Variants in ODAM observed in about 807,000 individuals in gnomAD.
ODAM encodes the protein odontogenic ameloblast-associated protein.
ODAM carries 55 observed loss-of-function variants against 48.5 expected under a neutral mutation model. The ratio of observed to expected loss-of-function variants is 1.13; its 90% CI spans 0.91 to 1.42. ODAM has a LOEUF of 1.42. ODAM is among the 40% of genes most tolerant of loss of function. The pLI is 0.00. For synonymous variants in ODAM, 127 were observed against 107.8 expected (o/e 1.18, Z -1.10); for missense variants, 353 against 323.6 (o/e 1.09, Z -0.70).
At chr4:70,201,961 A>G (rs1275368171) in intron 8 of ODAM, among the ~76,000 whole-genome samples, 2 of 151,802 alleles carry the variant, frequency 1.3e-5, no homozygotes, top group African/African-American at 2.4e-5. Context: ...CAAAATTTTG[A>G]AATTGTCTTG....
In ODAM at chr4:70,198,036, G is replaced by A. The variant is rs376525673; in HGVS notation, c.254G>A (p.Gly85Glu). 9.3e-6 allele frequency: 15 copies of A among 1,613,160 alleles called. No homozygotes were observed. The African/African-American group carries it at 1.9e-4, about 20-fold the overall frequency. The change falls in exon 5 of 12, where the codon GGA becomes GAA. Residue 85 changes from glycine to glutamate, a missense_variant. Transcript: ENST00000683306. ...FSLSALDQFA[G>E]LLPNQIPLTG... ...TTATCAGCTCTAGACCAGTTTGCTG[G>A]ACTGCTCCCAAATCAGATACCCTTA...
chr4:70,202,942 A>T, intron 10 of ODAM, 25 bp downstream of exon 10: 2 of 1,582,264 alleles, frequency 1.3e-6, no homozygotes, highest in Non-Finnish European at 1.7e-6. Flanking sequence ...ACTTCACTTT[A>T]TGCAAAAAAA....
At chr4:70,197,862 C>G (rs1361879983) in intron 4 of ODAM, 62 bp from the exon 5 acceptor site, 5 of 1,384,964 alleles carry the variant, frequency 3.6e-6, no homozygotes, top group Non-Finnish European at 5.1e-6. Flanking sequence ...TTGCTCAGGA[C>G]TAATTTTTAA....
At chr4:70,201,615 A>G (rs1408286399) in intron 8 of ODAM, 114 bp downstream of exon 8, 31 of 661,462 alleles carry the variant, frequency 4.7e-5, no homozygotes, top group Non-Finnish European at 5.7e-5. Flanking sequence ...CTCTAATTGA[A>G]CAAAATTGTA....
chr4:70,201,182 C>T (rs1729485666), intron 7 of ODAM, among the ~76,000 whole-genome samples: 1 of 151,568 alleles, frequency 6.6e-6, no homozygotes, highest in African/African-American at 2.4e-5. Context: ...TTAGAGAAAA[C>T]TCAGAATTAT....
chr4:70,198,185 T>TATA, intron 5 of ODAM, 28 bp downstream of exon 5: 1 of 1,573,210 alleles, frequency 6.4e-7, no homozygotes, highest in Non-Finnish European at 8.7e-7. Flanking sequence ...CATTTTGTTC[T>TATA]GAGGAGAGAG....
intron 7 of ODAM, 101 bp from the exon 8 acceptor site, chr4:70,201,353 A>AAAAATG: frequency 1.7e-6 from 1 of 592,104 alleles, no homozygotes; most frequent in South Asian, 2.3e-5. Flanking sequence ...AATGCTTTTA[A>AAAAATG]CTTATATAAA....
intron 6 of ODAM, chr4:70,200,021 C>T (rs1426424446): frequency 1.5e-5 from 6 of 390,452 alleles, no homozygotes; most frequent in Admixed American, 3.5e-5. Flanking sequence ...TACCAAATAT[C>T]CTAAAATATA....
In ODAM at chr4:70,195,829, A is replaced by G. The variant is rs948018981; in HGVS notation, c.-16+36A>G. 1.5e-5 allele frequency: 13 copies of G among 891,270 alleles called. No individual in the cohort carries two copies. The African/African-American group carries it at 2.3e-4, about 16-fold the overall frequency. The allele number at this position is 891,270 out of a possible 1,614,324, so 55.2% of individuals were successfully genotyped here. A position where few individuals can be genotyped will look rare whatever the true frequency, so the allele number is the denominator to read the frequency against. ...AAATCTTTGCTTTTATAGTTTGAAG[A>G]ACCAAAATCAGTGAAATCTGCAGGA... On this transcript the variant is annotated intron_variant, in intron 1 of 11. Coordinates refer to ENST00000683306, the MANE Select transcript of ODAM (RefSeq NM_017855.4).
chr4:70,200,524 G>A lies in ODAM; in HGVS notation c.451G>A (p.Val151Ile), dbSNP rs541356740. The A allele has an allele frequency of 6.2e-6, 10 of 1,609,690 alleles. No individual in the cohort carries two copies. The Admixed American group carries it at 1.0e-4, about 16-fold the overall frequency. The change falls in exon 7 of 12, where the codon GTC becomes ATC. Residue 151 changes from valine to isoleucine, a missense_variant. By Grantham distance (29) the Val-to-Ile change is conservative (BLOSUM62 3). Transcript: ENST00000683306. ...QMFQYYPVYM[V>I]LPWEQPQQTV... ...GTTTCAATACTATCCAGTTTACATG[G>A]TCCTACCCTGGGAACAACCTCAGCA...
chr4:70,196,436 C>T, intron 1 of ODAM, 93 bp from the exon 2 acceptor site: 1 of 624,344 alleles, frequency 1.6e-6, no homozygotes, highest in Admixed American at 3.3e-5. Context: ...TAGAATTCAC[C>T]CAGCTATTCC....
rs758036498 is a variant in ODAM, at chr4:70,198,097, A to T, written c.315A>T (p.Ala105=). The change falls in exon 5 of 12, where the codon GCA becomes GCT. Residue 105 remains alanine (A), a synonymous_variant. Transcript: ENST00000683306. The part of the protein sequence containing the change: ...GEASFAQGAQ[A]GQVDPLQLQT... ...CCAGTTTTGCCCAAGGAGCCCAGGC[A>T]GGCCAAGTTGATCCCTTACAGCTTC... The T allele has an allele frequency of 6.2e-7, 1 of 1,613,310 alleles. No individual in the cohort carries two copies. The highest frequency in any genetic ancestry group is 8.5e-7 in the Non-Finnish European group (1 of 1,179,534).
rs1430258637 is a variant in ODAM, at chr4:70,198,168, C to G, written c.375+11C>G. ...CCAGGCCCCAGTCACGTAAGTCAGGCCTCTTTCATTTTGTTCTGAGGAGAG... is the reference window on the plus strand; with the variant it reads ...CCAGGCCCCAGTCACGTAAGTCAGGGCTCTTTCATTTTGTTCTGAGGAGAG... On this transcript the variant is annotated intron_variant, in intron 5 of 11. Coordinates refer to ENST00000683306, the MANE Select transcript of ODAM (RefSeq NM_017855.4). The G allele has an allele frequency of 6.2e-7, 1 of 1,606,170 alleles. No individual in the cohort carries two copies. Among genetic ancestry groups the G allele is most frequent in the Admixed American group, 1.7e-5 (1 of 59,218 alleles).
chr4:70,202,087 C>T (rs1168781904), intron 8 of ODAM, among the ~76,000 whole-genome samples, 171 bp from the exon 9 acceptor site: 3 of 151,850 alleles, frequency 2.0e-5, no homozygotes, highest in East Asian at 1.9e-4. Flanking sequence ...GAAGCAGAGG[C>T]GAGATGTCAA....
intron 9 of ODAM, 30 bp from the exon 10 acceptor site, chr4:70,202,726 C>A: frequency 1.3e-6 from 2 of 1,574,978 alleles, no homozygotes; most frequent in Non-Finnish European, 1.7e-6. Flanking sequence ...GAACTTACGA[C>A]AACTTTGTTT....
Position 70,195,809 on chromosome 4 carries a change from T to C in ODAM, c.-16+16T>C, listed in dbSNP as rs920696950. On this transcript the variant is annotated intron_variant, in intron 1 of 11. Coordinates refer to ENST00000683306, the MANE Select transcript of ODAM (RefSeq NM_017855.4). ...CAGGAGTAAGGTAAGATATCAAATC[T>C]TTGCTTTTATAGTTTGAAGAACCAA... The C allele has an allele frequency of 1.0e-6, 1 of 976,780 alleles. No individual in the cohort carries two copies. The highest frequency in any genetic ancestry group is 4.7e-5 in the South Asian group (1 of 21,140). The allele number at this position is 976,780 out of a possible 1,614,324, so 60.5% of individuals were successfully genotyped here.
At chr4:70,203,028 C>T (rs1729541146) in intron 10 of ODAM, 111 bp downstream of exon 10, 1 of 1,326,704 alleles carries the variant, frequency 7.5e-7, no homozygotes, top group African/African-American at 1.5e-5. Context: ...AAGAAGATAA[C>T]TAATGAAAAA....
In ODAM at chr4:70,200,228, A is replaced by G. The variant is rs1039393019; in HGVS notation, c.424-269A>G. ...ATAAAGTTTCTAAGATGTCCTTTGA[A>G]AAAAAAAAAAAGCTCTTCTGCTTAG... On this transcript the variant is annotated intron_variant, in intron 6 of 11. Coordinates refer to ENST00000683306, the MANE Select transcript of ODAM (RefSeq NM_017855.4). 1.8e-3 allele frequency: 175 copies of G among 99,902 alleles called. 1 individual carries two copies. Among genetic ancestry groups the G allele is most frequent in the South Asian group, 5.9e-3 (58 of 9,822 alleles). 6.2% of individuals were successfully genotyped at this position (99,902 alleles called of 1,614,324 possible). A position where few individuals can be genotyped will look rare whatever the true frequency, so the allele number is the denominator to read the frequency against.
chr4:70,202,268 G>C lies in ODAM; in HGVS notation c.587G>C (p.Gly196Ala), dbSNP rs781673945. 6.2e-7 allele frequency: 1 copy of C among 1,611,504 alleles called. No homozygotes were observed. The highest frequency in any genetic ancestry group is 1.1e-5 in the South Asian group (1 of 91,006). The stretch of plus-strand genomic sequence containing the variant: ...TTTTTGTGTTTTTAGGCTATATCAG[G>C]AGGACAGCAGCAACTAGCTTTTGAT... ...IPQLAEPAISGGQQQLAFDPQ... is the reference protein window; with the variant it reads ...IPQLAEPAISAGQQQLAFDPQ... Residue 196 changes from glycine to alanine, a missense_variant, in exon 9 of 12, where the codon GGA becomes GCA. Transcript: ENST00000683306.
Sources: gnomAD v4.1 joint callset for allele counts (sites outside exome capture counted in the v4.1 genomes callset) on GRCh38, gnomAD v4.1.1 for gene constraint, MANE v1.5 for transcripts, NCBI Gene and HGNC (gene_info 2026-07-23, HGNC 2026-07-21) for gene names.